NRXN1: variants seen among roughly 807,000 people sequenced by gnomAD.
The protein encoded by NRXN1 is neurexin-1.
A neutral mutation model predicts 150.9 loss-of-function variants in NRXN1; 39 were observed. The ratio of observed to expected loss-of-function variants is 0.26; its 90% confidence interval spans 0.20 to 0.34. The LOEUF (loss-of-function observed/expected upper bound fraction) is 0.34. Among genes scored for constraint, NRXN1 ranks in the 10% least tolerant of loss-of-function variants. The pLI is 1.00. For synonymous variants in NRXN1, 924 were observed against 757.0 expected (o/e 1.22, Z -3.62); for missense variants, 1,815 against 1,949.9 (o/e 0.93, Z 1.30).
chr2:50,374,276 G>C (rs1456669545), intron 17 of NRXN1, among the ~76,000 whole-genome samples: 1 of 149,712 alleles, frequency 6.7e-6, no homozygotes, highest in Non-Finnish European at 1.5e-5. Flanking sequence ...GGAGGACAGA[G>C]TGAGACTCTG....
At chr2:50,573,711 A>G (rs1166260656) in intron 8 of NRXN1, among the ~76,000 whole-genome samples, 1 of 151,148 alleles carries the variant, frequency 6.6e-6, no homozygotes, top group Admixed American at 6.6e-5. Context: ...GCGCTTATAG[A>G]TTCTGCCAAC....
At chr2:50,550,343 G>A (rs1667258673) in intron 9 of NRXN1, among the ~76,000 whole-genome samples, 1 of 151,880 alleles carries the variant, frequency 6.6e-6, no homozygotes, top group Non-Finnish European at 1.5e-5. Context: ...CCTAAGTGTG[G>A]GGATTACAGG....
intron 17 of NRXN1, among the ~76,000 whole-genome samples, chr2:50,332,800 G>A (rs1165485106): frequency 6.6e-6 from 1 of 152,170 alleles, no homozygotes; most frequent in African/African-American, 2.4e-5. Context: ...CTCAGCCTGA[G>A]TGTTTTCTTG....
intron 5 of NRXN1, among the ~76,000 whole-genome samples, chr2:50,774,149 T>G (rs1467375285): frequency 1.3e-5 from 2 of 152,124 alleles, no homozygotes; most frequent in Admixed American, 6.6e-5. Flanking sequence ...TCACATCACA[T>G]TTGTTCCCTT....
chr2:50,260,063 C>G (rs2068095058), intron 17 of NRXN1, among the ~76,000 whole-genome samples: 1 of 151,740 alleles, frequency 6.6e-6, no homozygotes, highest in Non-Finnish European at 1.5e-5. Flanking sequence ...TGTACTCTAT[C>G]AACTCTGTTG....
At chr2:49,929,071 G>A (rs1669659678) in intron 22 of NRXN1, among the ~76,000 whole-genome samples, 1 of 152,112 alleles carries the variant, frequency 6.6e-6, no homozygotes, top group African/African-American at 2.4e-5. Flanking sequence ...CATTTGAAGG[G>A]CAGTTAAGGG....
At chr2:50,950,126 CT>C (rs1290864795) in intron 2 of NRXN1, among the ~76,000 whole-genome samples, 1 of 152,178 alleles carries the variant, frequency 6.6e-6, no homozygotes, top group African/African-American at 2.4e-5. Flanking sequence ...AGCTTTTCCA[CT>C]TGTTTCTTTT....
At chr2:50,959,527 T>A (rs1309977483) in intron 2 of NRXN1, among the ~76,000 whole-genome samples, 1 of 152,038 alleles carries the variant, frequency 6.6e-6, no homozygotes, top group Non-Finnish European at 1.5e-5. Context: ...TTCATTTGCA[T>A]GAAATGTCCT....
At chr2:50,783,597 G>A (rs895465624) in intron 5 of NRXN1, among the ~76,000 whole-genome samples, 1 of 152,076 alleles carries the variant, frequency 6.6e-6, no homozygotes, top group Non-Finnish European at 1.5e-5. Context: ...AATTTCCACT[G>A]GAAAGGCATT....
chr2:50,788,324 G>A (rs775200367), intron 5 of NRXN1, among the ~76,000 whole-genome samples: 1 of 151,850 alleles, frequency 6.6e-6, no homozygotes, highest in African/African-American at 2.4e-5. Flanking sequence ...TCCTGACCTC[G>A]TGATCCGCCG....
intron 12 of NRXN1, among the ~76,000 whole-genome samples, chr2:50,516,261 A>G (rs1015714981): frequency 5.3e-5 from 8 of 152,212 alleles, no homozygotes; most frequent in Non-Finnish European, 1.2e-4. Flanking sequence ...TAAGAATTTC[A>G]AGATGGTAGC....
chr2:50,500,400 A>G (rs2091885867), intron 13 of NRXN1, among the ~76,000 whole-genome samples: 1 of 152,184 alleles, frequency 6.6e-6, no homozygotes. Flanking sequence ...ACTGGGGAGA[A>G]TTAGCCCCCA....
At chr2:50,707,134 T>A (rs145014703) in intron 5 of NRXN1, among the ~76,000 whole-genome samples, 2 of 152,312 alleles carry the variant, frequency 1.3e-5, no homozygotes, top group African/African-American at 4.8e-5. Flanking sequence ...TGTATTTGCT[T>A]GGCCCAACTT....
At chr2:50,152,127 C>T (rs555751437) in intron 18 of NRXN1, among the ~76,000 whole-genome samples, 10 of 151,800 alleles carry the variant, frequency 6.6e-5, no homozygotes, top group African/African-American at 9.6e-5. Flanking sequence ...TGTTGTACAA[C>T]GGTCACCACC....
Position 50,646,708 on chromosome 2 carries a change from CTTTTTTTTTT to C in NRXN1, c.833-23103_833-23094del, listed in dbSNP as rs552231598. Among the ~76,000 whole-genome samples the C allele has an allele frequency of 1.9e-3, 202 of 107,410 alleles. No individual in the cohort carries two copies. In the Middle Eastern group the frequency reaches 0.031, roughly 16 times the overall value. The allele number at this position is 107,410 out of a possible 152,430, so 70.5% of individuals were successfully genotyped here. A position where few individuals can be genotyped will look rare whatever the true frequency, so the allele number is the denominator to read the frequency against. On this transcript the variant is annotated intron_variant, in intron 5 of 22. Coordinates refer to ENST00000401669, the MANE Select transcript of NRXN1 (RefSeq NM_001330078.2). ...TCCTGCCTCTGTACTTTCATGTTGTCTTTTTTTTTTTTTTTTTTTTTCTCTCTGAGCTGTT... is the reference window on the plus strand; with the variant it reads ...TCCTGCCTCTGTACTTTCATGTTGTCTTTTTTTTTTTCTCTCTGAGCTGTT...
chr2:50,360,142 C>T (rs1339275700), intron 17 of NRXN1, among the ~76,000 whole-genome samples: 2 of 152,170 alleles, frequency 1.3e-5, no homozygotes, highest in Non-Finnish European at 1.5e-5. Flanking sequence ...AGTTACCAGT[C>T]ACTGTAATGT....
chr2:50,714,086 G>C (rs1695548183), intron 5 of NRXN1, among the ~76,000 whole-genome samples: 1 of 152,122 alleles, frequency 6.6e-6, no homozygotes, highest in African/African-American at 2.4e-5. Context: ...TAAAATATTA[G>C]AAAAGGTAGC....
intron 8 of NRXN1, 156 bp downstream of exon 8, chr2:50,619,866 C>T: frequency 1.8e-6 from 1 of 564,776 alleles, no homozygotes. Context: ...GAGCTGTTTC[C>T]CTCCCCCAAT....
intron 19 of NRXN1, among the ~76,000 whole-genome samples, chr2:50,082,122 G>A (rs1328335030): frequency 6.6e-6 from 1 of 152,038 alleles, no homozygotes. Flanking sequence ...TTTCCTAAAA[G>A]CTAGATTTCT....
Sources: gnomAD v4.1 joint callset for allele counts (sites outside exome capture counted in the v4.1 genomes callset) on GRCh38, gnomAD v4.1.1 for gene constraint, MANE v1.5 for transcripts, NCBI Gene and HGNC (gene_info 2026-07-23, HGNC 2026-07-21) for gene names.